TNC: variants seen among roughly 807,000 people sequenced by gnomAD.
TNC encodes the protein tenascin.
In TNC, 109 loss-of-function variants were observed where a neutral mutation model predicts 202.4. That is an observed-to-expected ratio of 0.54 (90% CI 0.46 to 0.63). The LOEUF (loss-of-function observed/expected upper bound fraction) is 0.63, where lower values mean the gene tolerates loss of function less well. Among genes scored for constraint, TNC ranks in the 30% least tolerant of loss-of-function variants. The pLI is 0.00. For missense variants in TNC, 2,756 were observed against 2,833.3 expected, an observed-to-expected ratio of 0.97 and a Z score of 0.62; for synonymous variants, 1,007 against 1,089.7, an observed-to-expected ratio of 0.92 and a Z score of 1.50.
chr9:115,055,248 A>T (rs1429928393), intron 15 of TNC, among the ~76,000 whole-genome samples: 1 of 152,230 alleles, frequency 6.6e-6, no homozygotes, highest in Admixed American at 6.5e-5. Flanking sequence ...AACAAACAGA[A>T]CAACTCCAGA....
rs376637432 is a variant in TNC, at chr9:115,059,947, G to A, written c.4089C>T (p.Leu1363=). 51 of 1,614,116 alleles carry A rather than the reference G, an allele frequency of 3.2e-5. No homozygotes were observed. The highest frequency in any genetic ancestry group is 4.2e-5 in the Non-Finnish European group (49 of 1,180,006). The part of the protein sequence containing the change: ...LAVSEVGWDG[L]RLNWTAADNA... ...TGTCAGCTGCGGTCCAGTTGAGTCT[G>A]AGGCCATCCCAGCCAACCTCAGACA... The change falls in exon 14 of 28, where the codon CTC becomes CTT. Residue 1363 remains leucine (L), a synonymous_variant. Transcript: ENST00000350763.
rs951643670 is a variant in TNC, at chr9:115,020,894, G to A, written c.*263C>T. ...CCTAAGAGAAGTAAAAAACTATTGC[G>A]ATGTTGTCACTGGGAGATTTTTGCT... is the stretch of plus-strand genomic sequence containing the variant. On this transcript the variant is annotated 3_prime_UTR_variant, in exon 28 of 28. Coordinates refer to ENST00000350763, the MANE Select transcript of TNC (RefSeq NM_002160.4). The A allele has an allele frequency of 4.3e-5, 19 of 440,546 alleles. No individual in the cohort carries two copies. Among genetic ancestry groups the A allele is most frequent in the Non-Finnish European group, 5.3e-5 (13 of 247,112 alleles). 27.3% of individuals were successfully genotyped at this position (440,546 alleles called of 1,614,324 possible). A position where few individuals can be genotyped will look rare whatever the true frequency, so the allele number is the denominator to read the frequency against.
intron 7 of TNC, 53 bp downstream of exon 7, chr9:115,077,890 A>G: frequency 6.8e-6 from 10 of 1,469,084 alleles, no homozygotes; most frequent in Non-Finnish European, 9.4e-6. Flanking sequence ...AGTGGGATGG[A>G]AATCTTTCAA....
intron 15 of TNC, among the ~76,000 whole-genome samples, chr9:115,051,538 T>A (rs76904363): frequency 4.6e-5 from 1 of 21,634 alleles, no homozygotes; most frequent in African/African-American, 2.8e-4. Context: ...CTTTTTTTTC[T>A]TTTTTTTTTT....
At chr9:115,102,826 TTATC>T (rs1300692430) in intron 1 of TNC, among the ~76,000 whole-genome samples, 2 of 152,222 alleles carry the variant, frequency 1.3e-5, no homozygotes, top group African/African-American at 4.8e-5. Flanking sequence ...ACAAAACACT[TTATC>T]TAGAACATAG....
intron 17 of TNC, 76 bp downstream of exon 17, chr9:115,046,334 G>T: frequency 6.5e-7 from 1 of 1,527,052 alleles, no homozygotes; most frequent in South Asian, 1.2e-5. Context: ...CAAAGCTCCT[G>T]TGATTACTCA....
chr9:115,064,504 G>T, intron 11 of TNC, 143 bp downstream of exon 11: 1 of 1,093,190 alleles, frequency 9.1e-7, no homozygotes, highest in Middle Eastern at 3.2e-4. Context: ...GTTCTGTAGC[G>T]TGATGGCCTC....
At chr9:115,068,647 C>T (rs1385246035) in intron 10 of TNC, among the ~76,000 whole-genome samples, 1 of 152,204 alleles carries the variant, frequency 6.6e-6, no homozygotes, top group African/African-American at 2.4e-5. Flanking sequence ...GCAGATGCCC[C>T]TGATGATGTC....
intron 4 of TNC, among the ~76,000 whole-genome samples, chr9:115,083,657 G>A (rs1834481575): frequency 6.8e-6 from 1 of 146,224 alleles, no homozygotes; most frequent in Non-Finnish European, 1.5e-5. Context: ...CCAGGCTGGA[G>A]TACAGTGGCA....
intron 10 of TNC, among the ~76,000 whole-genome samples, chr9:115,066,438 G>A (rs150666294): frequency 2.6e-5 from 4 of 152,286 alleles, no homozygotes; most frequent in African/African-American, 9.6e-5. Flanking sequence ...GTCCATTAGA[G>A]CAGGCTACTA....
intron 1 of TNC, among the ~76,000 whole-genome samples, chr9:115,100,122 T>C (rs1588211837): frequency 6.6e-6 from 1 of 152,210 alleles, no homozygotes. Flanking sequence ...TTCTACTGAA[T>C]AGACTGCCTG....
At chr9:115,049,365 T>C (rs566368001) in intron 15 of TNC, among the ~76,000 whole-genome samples, 64 of 152,272 alleles carry the variant, frequency 4.2e-4, no homozygotes, top group African/African-American at 1.5e-3. Context: ...AGGCTTCACA[T>C]TGTTATCCTA....
chr9:115,084,136 G>T (rs1044728640), intron 4 of TNC, 73 bp downstream of exon 4: 14 of 1,505,768 alleles, frequency 9.3e-6, no homozygotes, highest in African/African-American at 1.4e-5. Context: ...TGTAGGGGCC[G>T]TGGCGAGGGA....
chr9:115,048,596 C>T (rs1335287437), intron 15 of TNC, 64 bp from the exon 16 acceptor site: 6 of 1,500,116 alleles, frequency 4.0e-6, no homozygotes, highest in Admixed American at 2.0e-5. Flanking sequence ...GGATAGCACA[C>T]GTTTCCAAGA....
chr9:115,082,472 A>G (rs912505086), intron 5 of TNC, among the ~76,000 whole-genome samples: 6 of 152,184 alleles, frequency 3.9e-5, no homozygotes, highest in African/African-American at 1.4e-4. Context: ...GACAACTTCT[A>G]TTTGTCTAGG....
At chr9:115,100,816 A>G (rs970816512) in intron 1 of TNC, among the ~76,000 whole-genome samples, 1 of 152,234 alleles carries the variant, frequency 6.6e-6, no homozygotes, top group African/African-American at 2.4e-5. Flanking sequence ...CAATGTATAC[A>G]TATATTAAAT....
At chr9:115,058,782 C>A (rs911578364) in intron 14 of TNC, among the ~76,000 whole-genome samples, 2 of 152,122 alleles carry the variant, frequency 1.3e-5, no homozygotes, top group African/African-American at 4.8e-5. Context: ...TAGTCTCTAC[C>A]GAGCTTCAAA....
rs74946731 is a variant in TNC at position 115,078,505 on chromosome 9, G to A, written c.2405-293C>T. Among the ~76,000 whole-genome samples the A allele has an allele frequency of 1.5e-3, 227 of 151,550 alleles. 1 individual carries two copies. In the East Asian group the frequency reaches 0.034, roughly 23 times the overall value. On this transcript the variant is annotated intron_variant, in intron 6 of 27. Transcript: ENST00000350763. ...TGGATGTCACATGAAAAAAAAAAAG[G>A]TTGTTCTTTTGTTATTATTATTATT...
chr9:115,094,531 C>A (rs1452123795), intron 1 of TNC, among the ~76,000 whole-genome samples: 2 of 152,160 alleles, frequency 1.3e-5, no homozygotes, highest in African/African-American at 4.8e-5. Context: ...GTATTTAGGT[C>A]AGACATGAAG....
Sources: gnomAD v4.1 joint callset for allele counts (sites outside exome capture counted in the v4.1 genomes callset) on GRCh38, gnomAD v4.1.1 for gene constraint, MANE v1.5 for transcripts, NCBI Gene and HGNC (gene_info 2026-07-23, HGNC 2026-07-21) for gene names.